Variants in IRAG2 observed in about 807,000 individuals in gnomAD.
IRAG2 encodes the protein lymphoid restricted membrane protein.
IRAG2 carries 45 observed loss-of-function variants against 69.9 expected under a neutral mutation model. That is an observed-to-expected ratio of 0.64 (90% CI 0.51 to 0.83). IRAG2 has a LOEUF of 0.83. Ranked by LOEUF, IRAG2 falls within the 40% of genes least tolerant of loss-of-function variation. IRAG2 has a pLI of 0.00. For missense variants in IRAG2, 520 were observed against 587.0 expected, an observed-to-expected ratio of 0.89 and a Z score of 1.18; for synonymous variants, 193 against 202.4, an observed-to-expected ratio of 0.95 and a Z score of 0.40.
chr12:25,026,196 TAA>T (rs1166917530), intron 8 of IRAG2, among the ~76,000 whole-genome samples: 5 of 152,140 alleles, frequency 3.3e-5, no homozygotes, highest in South Asian at 2.1e-4. Context: ...AAAGGCAGTA[TAA>T]ATATACCAGG....
chr12:25,105,211 G>C (rs1299797233), intron 20 of IRAG2, among the ~76,000 whole-genome samples: 1 of 151,724 alleles, frequency 6.6e-6, no homozygotes, highest in Non-Finnish European at 1.5e-5. Context: ...CAAGTAGCTG[G>C]GACTACAGGC....
chr12:25,036,752 T>C (rs1375549434), intron 15 of IRAG2: 1 of 397,950 alleles, frequency 2.5e-6, no homozygotes, highest in Non-Finnish European at 4.4e-6. Flanking sequence ...GGTAATAGTA[T>C]ATACAGTACC....
chr12:25,074,634 A>C (rs1046964821), intron 6 of IRAG2, among the ~76,000 whole-genome samples: 1 of 152,194 alleles, frequency 6.6e-6, no homozygotes, highest in African/African-American at 2.4e-5. Context: ...GTAAAACCTC[A>C]AAAAGAAAAT....
chr12:25,084,282 T>C (rs190932302), intron 10 of IRAG2, among the ~76,000 whole-genome samples: 72 of 151,964 alleles, frequency 4.7e-4, no homozygotes, highest in Non-Finnish European at 9.0e-4. Context: ...CTCAGTTATA[T>C]AGGAGGGCAA....
chr12:25,011,574 G>A (rs981647686), intron 3 of IRAG2: 1 of 1,201,796 alleles, frequency 8.3e-7, no homozygotes, highest in African/African-American at 1.6e-5. Flanking sequence ...CTAGTGGGAT[G>A]CAGTTTAAGG....
At chr12:25,077,277 A>AATATATATATGATATATATGAAAT (rs1172159542) in intron 6 of IRAG2, among the ~76,000 whole-genome samples, 1 of 21,824 alleles carries the variant, frequency 4.6e-5, no homozygotes, top group African/African-American at 1.5e-4. Flanking sequence ...ATATATATGA[A>AATATATATATGATATATATGAAAT]ATATATATGA....
intron 14 of IRAG2, among the ~76,000 whole-genome samples, chr12:25,091,497 G>T (rs1196342667): frequency 6.6e-6 from 1 of 151,946 alleles, no homozygotes; most frequent in Non-Finnish European, 1.5e-5. Flanking sequence ...TTCATACATC[G>T]ATGGGCATTT....
intron 1 of IRAG2, among the ~76,000 whole-genome samples, chr12:25,055,497 G>A (rs1405316777): frequency 6.6e-6 from 1 of 152,192 alleles, no homozygotes; most frequent in African/African-American, 2.4e-5. Context: ...TAGGGTACAT[G>A]TGTACAACGT....
exon 14 of IRAG2, chr12:25,035,703 C>T (rs551328367): frequency 1.2e-4 from 49 of 398,976 alleles, no homozygotes; most frequent in Admixed American, 9.2e-4. Flanking sequence ...CATCTCTGGA[C>T]GCCATGATGG....
chr12:25,052,986 G>C (rs1476569046), intron 1 of IRAG2, 30 bp downstream of exon 1: 1 of 398,476 alleles, frequency 2.5e-6, no homozygotes, highest in East Asian at 3.6e-5. Context: ...TTATGACCCA[G>C]TTTTTGTCCA....
At chr12:25,100,210 A>G (rs1184228565) in intron 15 of IRAG2, among the ~76,000 whole-genome samples, 8 of 151,936 alleles carry the variant, frequency 5.3e-5, no homozygotes, top group African/African-American at 1.9e-4. Context: ...GAAGTTGGAA[A>G]GGAAGGAAGG....
At chr12:25,013,856 TTTTC>T (rs1367228547) in intron 3 of IRAG2, among the ~76,000 whole-genome samples, 4 of 118,456 alleles carry the variant, frequency 3.4e-5, no homozygotes, top group African/African-American at 8.2e-5. Flanking sequence ...TAATTTTTTG[TTTTC>T]TTTTTCTTTT....
intron 16 of IRAG2, among the ~76,000 whole-genome samples, chr12:25,040,040 G>A (rs1379753844): frequency 2.0e-5 from 3 of 152,130 alleles, no homozygotes; most frequent in Non-Finnish European, 1.5e-5. Flanking sequence ...TCCCACCATC[G>A]ACTTGTTAAA....
rs760349823 is a variant in IRAG2, at chr12:25,104,459, T to TA, written c.1148dup (p.Thr384AsnfsTer2). ...GATGCTGAAGAAGAAAAATGTGAAC[T>TA]AAAGTAGGTGAAGCTCAGTGTGTTT... On this transcript the variant is annotated frameshift_variant, in exon 20 of 22. Transcript: ENST00000556887. LOFTEE classifies it high-confidence loss of function. 2.5e-6 allele frequency: 4 copies of TA among 1,578,950 alleles called. No homozygotes were observed. Among genetic ancestry groups the TA allele is most frequent in the Non-Finnish European group, 3.5e-6 (4 of 1,148,092 alleles).
chr12:24,999,703 C>T (rs1944377133), upstream of IRAG2, among the ~76,000 whole-genome samples: 1 of 151,994 alleles, frequency 6.6e-6, no homozygotes, highest in East Asian at 1.9e-4. Flanking sequence ...ATAATAGATG[C>T]TCCTAAATTT....
chr12:25,089,576 C>G, intron 11 of IRAG2, 38 bp from the exon 12 acceptor site: 9 of 1,311,888 alleles, frequency 6.9e-6, no homozygotes, highest in African/African-American at 1.5e-5. Context: ...ACAGGTCAAG[C>G]CTTTTTAACC....
chr12:24,999,468 C>T (rs938347336), upstream of IRAG2, among the ~76,000 whole-genome samples: 1 of 151,970 alleles, frequency 6.6e-6, no homozygotes, highest in African/African-American at 2.4e-5. Flanking sequence ...AATCTATAAG[C>T]CAGAGCAATG....
chr12:25,036,739 C>A, intron 15 of IRAG2: 3 of 397,956 alleles, frequency 7.5e-6, no homozygotes, highest in Non-Finnish European at 8.9e-6. Context: ...CTTTGTTAAG[C>A]CAGGTAATAG....
Position 25,079,430 on chromosome 12 carries a change from C to G in IRAG2, c.104C>G (p.Thr35Ser), listed in dbSNP as rs114808250. The G allele has an allele frequency of 6.9e-5, 111 of 1,613,698 alleles. No individual in the cohort carries two copies. In the African/African-American group the frequency reaches 1.2e-3, roughly 18 times the overall value. The change falls in exon 8 of 22, where the codon ACT becomes AGT. Residue 35 changes from threonine (T) to serine (S), a missense_variant. By Grantham distance (58) the Thr-to-Ser change is moderately conservative (BLOSUM62 1). Coordinates refer to ENST00000556887, the MANE Select transcript of IRAG2 (RefSeq NM_001366544.2). ...EYSSLPLPRH[T>S]SSTDGTITSS... Reference sequence around the variant, plus strand: ...TCCTCACTACCATTACCCAGACACACTTCATCGACAGACGGTACTATAACT... The same window carrying G: ...TCCTCACTACCATTACCCAGACACAGTTCATCGACAGACGGTACTATAACT...
Sources: gnomAD v4.1 joint callset for allele counts (sites outside exome capture counted in the v4.1 genomes callset) on GRCh38, gnomAD v4.1.1 for gene constraint, MANE v1.5 for transcripts, NCBI Gene and HGNC (gene_info 2026-07-23, HGNC 2026-07-21) for gene names.